The following PDE10A variants were observed in gnomAD, a reference collection of about 807,000 sequenced individuals.
PDE10A encodes phosphodiesterase 10A, also known as cAMP and cAMP-inhibited cGMP 3',5'-cyclic phosphodiesterase 10A.
PDE10A carries 39 observed loss-of-function variants against 97.7 expected under a neutral mutation model. The observed-to-expected ratio is 0.40, with a 90% CI of 0.31 to 0.52. PDE10A has a LOEUF of 0.52. Ranked by LOEUF, PDE10A falls within the 20% of genes least tolerant of loss-of-function variation. The pLI is 0.56. For missense variants in PDE10A, 731 were observed against 1,047.8 expected (o/e 0.70, Z 4.17); for synonymous variants, 371 against 376.8 (o/e 0.98, Z 0.18).
chr6:165,747,257 G>T (rs1020795271), intron 1 of PDE10A, among the ~76,000 whole-genome samples: 4 of 151,950 alleles, frequency 2.6e-5, no homozygotes, highest in South Asian at 4.2e-4. Context: ...AAATTAAAAC[G>T]TTTTAAATGA....
At chr6:165,459,522 TAGAC>T (rs138521828) in intron 3 of PDE10A, among the ~76,000 whole-genome samples, 15,091 of 105,540 alleles carry the variant, frequency 0.14, 834 homozygotes, top group Non-Finnish European at 0.19. Flanking sequence ...GATAGATAGA[TAGAC>T]AGACAGACAG....
At chr6:165,719,405 T>A (rs573037989) in intron 1 of PDE10A, among the ~76,000 whole-genome samples, 6 of 152,236 alleles carry the variant, frequency 3.9e-5, no homozygotes, top group Non-Finnish European at 5.9e-5. Context: ...CTGTTCTATT[T>A]CTTAACAGCA....
At chr6:165,686,283 G>A (rs942919309) in intron 1 of PDE10A, among the ~76,000 whole-genome samples, 9 of 152,176 alleles carry the variant, frequency 5.9e-5, no homozygotes, top group African/African-American at 9.6e-5. Flanking sequence ...CAGACTCTCC[G>A]GTCTTTTGTG....
chr6:165,686,901 T>C (rs1031461196), intron 1 of PDE10A, among the ~76,000 whole-genome samples: 1 of 152,266 alleles, frequency 6.6e-6, no homozygotes, highest in African/African-American at 2.4e-5. Context: ...AATGCTATTA[T>C]GTACGCTTCG....
chr6:165,343,718 G>A (rs1583073403), intron 18 of PDE10A, among the ~76,000 whole-genome samples: 1 of 152,182 alleles, frequency 6.6e-6, no homozygotes, highest in African/African-American at 2.4e-5. Flanking sequence ...CCCGTGAGGA[G>A]TGCATCATAT....
At chr6:165,439,870 C>A (rs1034835138) in intron 5 of PDE10A, among the ~76,000 whole-genome samples, 2 of 152,124 alleles carry the variant, frequency 1.3e-5, no homozygotes, top group South Asian at 4.1e-4. Flanking sequence ...AAAACACCAT[C>A]TTTTAATGAA....
chr6:165,339,495 T>C, intron 19 of PDE10A, 137 bp from the exon 20 acceptor site: 1 of 619,086 alleles, frequency 1.6e-6, no homozygotes, highest in East Asian at 2.8e-5. Context: ...CCAAGAAAAG[T>C]ACATCAAAAT....
intron 1 of PDE10A, among the ~76,000 whole-genome samples, chr6:165,931,994 C>T (rs912642970): frequency 3.3e-5 from 5 of 152,206 alleles, no homozygotes; most frequent in Non-Finnish European, 7.3e-5. Context: ...CCTCACGAGG[C>T]AGGTGAGTGG....
At position 165,418,370 on chromosome 6, in the gene PDE10A, T is replaced by C. The variant is rs1331277815; in HGVS notation, c.1796+265A>G. Among the ~76,000 whole-genome samples the C allele has an allele frequency of 6.6e-6, 1 of 152,000 alleles. No individual in the cohort carries two copies. Among genetic ancestry groups the C allele is most frequent in the Non-Finnish European group, 1.5e-5 (1 of 67,982 alleles). Reference sequence around the variant, plus strand: ...TTACCTACCTGGGAGCACTAGAAAGTTTTTCCAACATGATTTCCAAAAGGA... The same window carrying C: ...TTACCTACCTGGGAGCACTAGAAAGCTTTTCCAACATGATTTCCAAAAGGA... On this transcript the variant is annotated intron_variant, in intron 11 of 21. Transcript: ENST00000539869. This position sits in a 1 kb window ranked among gnomAD's most constrained non-coding sequence, Gnocchi z 4.8.
rs115838457 is a variant in PDE10A, at chr6:165,963,964, C to T, written c.-615+23565G>A. The stretch of plus-strand genomic sequence containing the variant: ...GGCAAGAATCCGTCAGCTAAGGTGT[C>T]AGCGGCAACATCAAAGCTCTTTGCT... On this transcript the variant is annotated intron_variant, in intron 1 of 19. Coordinates refer to the PDE10A transcript ENST00000366882. Among the ~76,000 whole-genome samples the T allele has an allele frequency of 1.8e-3, 281 of 152,338 alleles. 2 individuals carry two copies. Among genetic ancestry groups the T allele is most frequent in the African/African-American group, 6.6e-3 (273 of 41,576 alleles).
intron 1 of PDE10A, among the ~76,000 whole-genome samples, chr6:165,557,347 A>G (rs1784307648): frequency 6.6e-6 from 1 of 152,164 alleles, no homozygotes; most frequent in Non-Finnish European, 1.5e-5. Context: ...AATAACCTTC[A>G]TGATCACAGT....
chr6:165,513,301 T>A (rs1470858401), intron 2 of PDE10A, among the ~76,000 whole-genome samples: 1 of 152,100 alleles, frequency 6.6e-6, no homozygotes, highest in Non-Finnish European at 1.5e-5. Context: ...AACTATCCTT[T>A]CCAAAAATCA....
intron 1 of PDE10A, among the ~76,000 whole-genome samples, chr6:165,739,103 T>G (rs995931650): frequency 1.4e-4 from 21 of 152,288 alleles, no homozygotes; most frequent in African/African-American, 4.8e-4. Context: ...TTATGAAAAT[T>G]CCAATGGCAT....
chr6:165,722,802 T>C (rs954970517), intron 1 of PDE10A, among the ~76,000 whole-genome samples: 1 of 152,020 alleles, frequency 6.6e-6, no homozygotes, highest in African/African-American at 2.4e-5. Context: ...GGAGTGAACA[T>C]TTTACCTTTT....
At chr6:165,569,916 T>C (rs1583560867) in intron 1 of PDE10A, among the ~76,000 whole-genome samples, 1 of 152,168 alleles carries the variant, frequency 6.6e-6, no homozygotes, top group Admixed American at 6.5e-5. Context: ...CAGGAAAAAC[T>C]TTCCAATGTA....
intron 1 of PDE10A, among the ~76,000 whole-genome samples, chr6:165,727,088 C>G (rs907730096): frequency 5.3e-5 from 8 of 152,184 alleles, no homozygotes; most frequent in African/African-American, 2.4e-5. Context: ...AGAATCTGCG[C>G]GTGGGCTGGT....
chr6:165,622,894 C>G (rs1293052651), intron 1 of PDE10A, among the ~76,000 whole-genome samples: 1 of 152,136 alleles, frequency 6.6e-6, no homozygotes, highest in Admixed American at 6.5e-5. Flanking sequence ...TCCCTCATGA[C>G]TTTGTGCTGT....
chr6:165,629,015 G>GT (rs886522739), intron 1 of PDE10A, among the ~76,000 whole-genome samples: 163 of 148,380 alleles, frequency 1.1e-3, no homozygotes, highest in African/African-American at 3.1e-3. Flanking sequence ...ATTTTTATGG[G>GT]TTTTTTTTTT....
chr6:165,593,012 C>G (rs574799396), intron 1 of PDE10A, among the ~76,000 whole-genome samples: 1 of 152,052 alleles, frequency 6.6e-6, no homozygotes, highest in South Asian at 2.1e-4. Context: ...ATGTTTATTG[C>G]GGCACTGTTC....
Sources: gnomAD v4.1 joint callset for allele counts (sites outside exome capture counted in the v4.1 genomes callset) on GRCh38, gnomAD v4.1.1 for gene constraint, Gnocchi (gnomAD v3.1) non-coding constraint, MANE v1.5 for transcripts, NCBI Gene and HGNC (gene_info 2026-07-23, HGNC 2026-07-21) for gene names.